The following CEP72 variants were observed in gnomAD, a reference collection of about 807,000 sequenced individuals.
CEP72 encodes centrosomal protein 72, also known as centrosomal protein of 72 kDa.
CEP72 carries 78 observed loss-of-function variants against 65.7 expected under a neutral mutation model. The observed-to-expected ratio is 1.19, with a 90% CI of 0.99 to 1.43. CEP72 has a LOEUF of 1.43. Among genes scored for constraint, CEP72 ranks in the 40% most tolerant of loss-of-function variants. The pLI, the probability that CEP72 is intolerant of heterozygous loss-of-function variation, is 0.00. For synonymous variants in CEP72, 358 were observed against 351.7 expected (o/e 1.02, Z -0.20); for missense variants, 914 against 832.9 (o/e 1.10, Z -1.20).
downstream of CEP72, among the ~76,000 whole-genome samples, chr5:668,558 G>A (rs963176290): frequency 6.6e-5 from 10 of 152,222 alleles, no homozygotes; most frequent in African/African-American, 2.2e-4. Flanking sequence ...CAAATAAACT[G>A]CCGGCACCTC....
Position 638,018 on chromosome 5 carries a change from G to A in CEP72, c.1206+200G>A, listed in dbSNP as rs540839368. Among the ~76,000 whole-genome samples the A allele has an allele frequency of 2.2e-4, 33 of 152,242 alleles. 1 individual carries two copies. The highest frequency in any genetic ancestry group is 4.1e-4 in the Non-Finnish European group (28 of 68,012). ...GATGCGGGGCTGTTACGGCTTTGGC[G>A]GTGCCGTGATTACGCCTACGGCACT... On this transcript the variant is annotated intron_variant, in intron 7 of 11. Coordinates refer to ENST00000264935, the MANE Select transcript of CEP72 (RefSeq NM_018140.4).
intron 10 of CEP72, among the ~76,000 whole-genome samples, chr5:646,075 ACT>A (rs947011371): frequency 2.6e-5 from 4 of 151,682 alleles, no homozygotes; most frequent in African/African-American, 7.3e-5. Flanking sequence ...TGTGAGCGTC[ACT>A]CTTGCTCCCA....
chr5:639,568 A>G (rs1201523423), intron 8 of CEP72, among the ~76,000 whole-genome samples: 1 of 152,184 alleles, frequency 6.6e-6, no homozygotes, highest in African/African-American at 2.4e-5. Context: ...GCTGCTCAGC[A>G]TCTTCTCCCC....
intron 9 of CEP72, chr5:643,584 C>T (rs1738207025): frequency 5.1e-6 from 5 of 985,358 alleles, no homozygotes; most frequent in South Asian, 9.4e-5. Context: ...TCAGGCGCTC[C>T]CTCCCCTGGT....
In CEP72 at chr5:653,104, C is replaced by A. The variant is rs764803343; in HGVS notation, c.1895C>A (p.Ala632Asp). 2.9e-5 allele frequency: 46 copies of A among 1,613,162 alleles called. 2 individuals are homozygous for A. In the South Asian group the frequency reaches 3.2e-4, roughly 11 times the overall value. Reference protein sequence around the residue: ...WSYQELKKTMALFPHSSASHG... With the variant: ...WSYQELKKTMDLFPHSSASHG... ...TACCAGGAGCTCAAGAAGACCATGG[C>A]CCTGTTTCCACACAGCAGCGCCAGC... The change falls in exon 12 of 12, where the codon GCC (alanine) becomes GAC (aspartate). Residue 632 changes from alanine (A) to aspartate (D), a missense_variant. Ala to Asp is a moderately radical substitution (Grantham distance 126, BLOSUM62 -2). Transcript: ENST00000264935.
At chr5:646,782 C>T (rs898663865) in intron 10 of CEP72, among the ~76,000 whole-genome samples, 4 of 152,214 alleles carry the variant, frequency 2.6e-5, no homozygotes, top group Admixed American at 2.0e-4. Context: ...GGGGCTGTCC[C>T]GTTCTCAGAG....
chr5:651,583 A>G (rs375026255), intron 11 of CEP72, among the ~76,000 whole-genome samples: 2 of 151,876 alleles, frequency 1.3e-5, no homozygotes, highest in African/African-American at 4.8e-5. Flanking sequence ...CCCTGGCTAT[A>G]GGGGGATGGT....
In CEP72 at chr5:634,603, G is replaced by A. The variant is rs141271803; in HGVS notation, c.691+656G>A. ...CTTTAATCCTAGCTGCTCTGTCAGG[G>A]GGTTGTGGTCTGTGTTTATGGCTTT... On this transcript the variant is annotated intron_variant, in intron 5 of 11. Coordinates refer to ENST00000264935, the MANE Select transcript of CEP72 (RefSeq NM_018140.4). 7.4e-4 allele frequency among the ~76,000 whole-genome samples: 112 copies of A among 152,290 alleles called. 1 individual carries two copies. Among genetic ancestry groups the A allele is most frequent in the African/African-American group, 2.6e-3 (109 of 41,552 alleles).
chr5:667,605 C>T (rs1046820406), downstream of CEP72, among the ~76,000 whole-genome samples: 1 of 152,068 alleles, frequency 6.6e-6, no homozygotes, highest in African/African-American at 2.4e-5. Context: ...CAGAAGACAC[C>T]GTTAAGGGAA....
At chr5:651,987 C>T (rs1029204064) in intron 11 of CEP72, among the ~76,000 whole-genome samples, 2 of 152,286 alleles carry the variant, frequency 1.3e-5, no homozygotes, top group African/African-American at 2.4e-5. Flanking sequence ...CCCCATGGGG[C>T]CCATCACAGG....
chr5:613,905 A>G (rs1476241810), intron 1 of CEP72, among the ~76,000 whole-genome samples: 2 of 152,202 alleles, frequency 1.3e-5, no homozygotes, highest in African/African-American at 4.8e-5. Flanking sequence ...GTTAAGGGGA[A>G]CTGTAACCTC....
chr5:628,410 CAGG>C lies in CEP72; in HGVS notation c.512+3832_512+3834del, dbSNP rs1376162896. On this transcript the variant is annotated intron_variant, in intron 4 of 11. Coordinates refer to ENST00000264935, the MANE Select transcript of CEP72 (RefSeq NM_018140.4). ...TTCTTTGTGCAGCTTCTGGAGAACTCAGGTCACAGGCCCCGGGGATTGGCCCCA... is the reference window on the plus strand; with the variant it reads ...TTCTTTGTGCAGCTTCTGGAGAACTCTCACAGGCCCCGGGGATTGGCCCCA... Among the ~76,000 whole-genome samples the C allele has an allele frequency of 5.9e-3, 894 of 151,466 alleles. 1 individual carries two copies. The highest frequency in any genetic ancestry group is 8.7e-3 in the Non-Finnish European group (593 of 67,916).
downstream of CEP72, among the ~76,000 whole-genome samples, chr5:653,731 A>G (rs1184831027): frequency 6.6e-6 from 1 of 152,256 alleles, no homozygotes; most frequent in Non-Finnish European, 1.5e-5. Context: ...TGATATTAAC[A>G]TATCACAGCG....
downstream of CEP72, among the ~76,000 whole-genome samples, chr5:657,249 G>A (rs1271743900): frequency 6.6e-6 from 1 of 152,194 alleles, no homozygotes; most frequent in Non-Finnish European, 1.5e-5. Context: ...TCACAGGATT[G>A]TTGTGAAGGT....
chr5:640,734 C>A, intron 9 of CEP72, 130 bp downstream of exon 9: 2 of 1,439,552 alleles, frequency 1.4e-6, no homozygotes, highest in Non-Finnish European at 1.8e-6. Context: ...CATGTCTCCA[C>A]TCCCTGCCCG....
intron 2 of CEP72, among the ~76,000 whole-genome samples, 153 bp downstream of exon 2, chr5:619,270 A>G (rs1022471401): frequency 3.3e-5 from 5 of 152,208 alleles, no homozygotes; most frequent in African/African-American, 1.2e-4. Flanking sequence ...CGTGGGCTAC[A>G]TTTCATACAC....
At position 643,548 on chromosome 5, in the gene CEP72, C is replaced by T. The variant is rs754582858; in HGVS notation, c.1540-751C>T. The T allele has an allele frequency of 1.8e-5, 18 of 985,430 alleles. No individual in the cohort carries two copies. In the South Asian group the frequency reaches 7.0e-4, roughly 39 times the overall value. 61.0% of individuals were successfully genotyped at this position (985,430 alleles called of 1,614,324 possible). A position where few individuals can be genotyped will look rare whatever the true frequency, so the allele number is the denominator to read the frequency against. ...GAGAAGGATGAAGCGGCGATACCCC[C>T]AGCACGAGGCTTCTGCTGCACAGAC... On this transcript the variant is annotated intron_variant, in intron 9 of 11. Coordinates refer to ENST00000264935, the MANE Select transcript of CEP72 (RefSeq NM_018140.4).
chr5:669,670 G>A (rs1740128182), downstream of CEP72, among the ~76,000 whole-genome samples: 1 of 152,110 alleles, frequency 6.6e-6, no homozygotes, highest in African/African-American at 2.4e-5. Flanking sequence ...GAGGGGGATG[G>A]CTGAGGGGCT....
intron 11 of CEP72, among the ~76,000 whole-genome samples, chr5:648,527 CTG>C (rs1738594409): frequency 7.3e-6 from 1 of 136,116 alleles, no homozygotes. Context: ...TGAGGTGTGA[CTG>C]TGAGGTGTGA....
Sources: allele counts gnomAD v4.1 joint callset (sites outside exome capture counted in the v4.1 genomes callset), GRCh38; gene constraint gnomAD v4.1.1; transcripts MANE v1.5; gene names NCBI Gene and HGNC (gene_info 2026-07-23, HGNC 2026-07-21).